The following FAM184B variants were observed in gnomAD, a reference collection of about 807,000 sequenced individuals.
The protein encoded by FAM184B is protein FAM184B.
Under a neutral mutation model 135.9 loss-of-function variants are expected in FAM184B, and 111 were observed. That is an observed-to-expected ratio of 0.82 (90% CI 0.70 to 0.96). The LOEUF (loss-of-function observed/expected upper bound fraction) is 0.96. Among genes scored for constraint, FAM184B ranks in the 40% least tolerant of loss-of-function variants. The pLI is 0.00. For synonymous variants in FAM184B, 552 were observed against 524.8 expected (o/e 1.05, Z -0.71); for missense variants, 1,375 against 1,323.9 (o/e 1.04, Z -0.60).
chr4:17,632,666 T>A, intron 17 of FAM184B, 41 bp from the exon 18 acceptor site: 1 of 1,370,506 alleles, frequency 7.3e-7, no homozygotes, highest in Non-Finnish European at 1.0e-6. Context: ...TTTTGAAAAC[T>A]ATGCAAGAAG....
intron 7 of FAM184B, among the ~76,000 whole-genome samples, chr4:17,677,322 A>G (rs771258335): frequency 8.5e-5 from 13 of 152,228 alleles, no homozygotes; most frequent in Non-Finnish European, 1.8e-4. Flanking sequence ...TGTTAGGATT[A>G]CAGGCGTAAG....
Position 17,651,919 on chromosome 4 carries a change from G to C in FAM184B, c.2191+911C>G, listed in dbSNP as rs1028012735. On this transcript the variant is annotated intron_variant, in intron 11 of 17. Coordinates refer to ENST00000265018, the MANE Select transcript of FAM184B (RefSeq NM_015688.2). ...GAGTTTTGTGCTGGGGATGATGTGG[G>C]GGCAGGCAGAGGAAGCAGAGCCTGG... 2.0e-5 allele frequency among the ~76,000 whole-genome samples: 3 copies of C among 152,060 alleles called. No homozygotes were observed. The East Asian group carries it at 5.8e-4, about 29-fold the overall frequency.
At chr4:17,772,206 C>A (rs1718833783) in intron 1 of FAM184B, among the ~76,000 whole-genome samples, 1 of 152,164 alleles carries the variant, frequency 6.6e-6, no homozygotes, top group African/African-American at 2.4e-5. Flanking sequence ...AAATTCATTT[C>A]ACGTATAACT....
intron 7 of FAM184B, among the ~76,000 whole-genome samples, chr4:17,680,595 C>T (rs10009541): frequency 0.38 from 58,099 of 151,976 alleles, 11,795 homozygotes; most frequent in African/African-American, 0.47. Flanking sequence ...GTTGTTCAAC[C>T]CAATTCCTAC....
intron 15 of FAM184B, among the ~76,000 whole-genome samples, chr4:17,635,481 C>G (rs1715097442): frequency 6.6e-6 from 1 of 152,030 alleles, no homozygotes; most frequent in African/African-American, 2.4e-5. Flanking sequence ...TTTGTGTTGC[C>G]TAACATATAC....
intron 7 of FAM184B, among the ~76,000 whole-genome samples, chr4:17,670,266 GA>G (rs1716140792): frequency 6.6e-6 from 1 of 152,048 alleles, no homozygotes; most frequent in African/African-American, 2.4e-5. Context: ...GTAAGTAGAA[GA>G]AAAGAGAAAT....
intron 6 of FAM184B, among the ~76,000 whole-genome samples, chr4:17,690,597 C>G (rs185800666): frequency 1.3e-5 from 2 of 152,086 alleles, no homozygotes; most frequent in Non-Finnish European, 2.9e-5. Context: ...GCAAGGCTAT[C>G]GGAAAGTCCT....
At chr4:17,653,925 G>GGGGAGAGAGAGAGAGA (rs1715710304) in intron 10 of FAM184B, among the ~76,000 whole-genome samples, 1 of 131,274 alleles carries the variant, frequency 7.6e-6, no homozygotes. Flanking sequence ...AGAGAGGGAG[G>GGGGAGAGAGAGAGAGA]GGGAGGGGGA....
chr4:17,639,261 G>C lies in FAM184B; in HGVS notation c.2655C>G (p.Ala885=). 1.3e-6 allele frequency: 2 copies of C among 1,551,674 alleles called. No homozygotes were observed. Among genetic ancestry groups the C allele is most frequent in the Non-Finnish European group, 1.7e-6 (2 of 1,146,994 alleles). Residue 885 remains alanine (A), a synonymous_variant, in exon 14 of 18, where the codon GCC becomes GCG. Transcript: ENST00000265018. ...AQAQLQARLA[A]LEAELKDSGE... is the part of the protein sequence containing the mutation. The stretch of plus-strand genomic sequence containing the variant: ...GAGGCCTCACTTACTCGGCTTCCAG[G>C]GCAGCCAGCCGGGCCTGGAGCTGGG...
Position 17,693,462 on chromosome 4 carries a change from CTT to C in FAM184B, c.1378-52_1378-51del, listed in dbSNP as rs539644982. 4,680 of 1,425,492 alleles carry C rather than the reference CTT, an allele frequency of 3.3e-3. 16 individuals carry two copies. Among genetic ancestry groups the C allele is most frequent in the Admixed American group, 4.3e-3 (218 of 50,744 alleles). The allele number at this position is 1,425,492 out of a possible 1,614,324, so 88.3% of individuals were successfully genotyped here. ...CCATACAAGGCACGAAAACAGGACA[CTT>C]AATGTTTTCACACCCTGCCTTATTC... On this transcript the variant is annotated intron_variant, in intron 5 of 17. Transcript: ENST00000265018.
chr4:17,681,162 A>C (rs544759664), intron 7 of FAM184B, among the ~76,000 whole-genome samples: 3 of 152,338 alleles, frequency 2.0e-5, no homozygotes, highest in Admixed American at 1.3e-4. Context: ...GAAGTAGTGC[A>C]GCATTGCAGC....
chr4:17,730,983 A>T (rs1319201587), intron 1 of FAM184B, among the ~76,000 whole-genome samples: 1 of 152,240 alleles, frequency 6.6e-6, no homozygotes, highest in Non-Finnish European at 1.5e-5. Context: ...AAGAAAGGGT[A>T]TCAGTAATGG....
At chr4:17,694,481 C>G (rs1373450820) in intron 5 of FAM184B, among the ~76,000 whole-genome samples, 1 of 151,350 alleles carries the variant, frequency 6.6e-6, no homozygotes, top group Non-Finnish European at 1.5e-5. Context: ...CGAGATGGTG[C>G]CACTGCACTC....
chr4:17,641,557 C>T (rs1036283207), intron 13 of FAM184B, among the ~76,000 whole-genome samples: 3 of 132,024 alleles, frequency 2.3e-5, no homozygotes, highest in African/African-American at 8.6e-5. Flanking sequence ...TGGCTCACTG[C>T]AACCTGGTCC....
intron 13 of FAM184B, among the ~76,000 whole-genome samples, chr4:17,640,018 CG>C (rs1419768339): frequency 6.6e-6 from 1 of 151,142 alleles, no homozygotes; most frequent in Non-Finnish European, 1.5e-5. Flanking sequence ...TTAGTAAAGA[CG>C]GGGGGTTTCA....
At chr4:17,636,795 G>T in intron 14 of FAM184B, 150 bp from the exon 15 acceptor site, 1 of 649,404 alleles carries the variant, frequency 1.5e-6, no homozygotes, top group Non-Finnish European at 2.6e-6. Flanking sequence ...GGCCCCCTGG[G>T]GAGATGGCTT....
chr4:17,751,866 C>CAA (rs1553842781), intron 1 of FAM184B, among the ~76,000 whole-genome samples: 3 of 143,208 alleles, frequency 2.1e-5, no homozygotes, highest in East Asian at 2.0e-4. Context: ...CACACACACA[C>CAA]AAAAGAACCA....
intron 7 of FAM184B, among the ~76,000 whole-genome samples, chr4:17,666,437 G>A (rs1464354489): frequency 7.4e-6 from 1 of 135,394 alleles, no homozygotes; most frequent in Non-Finnish European, 1.6e-5. Flanking sequence ...CCAAGTAGTT[G>A]AGACTGCAGG....
chr4:17,763,514 C>T (rs147660164), intron 1 of FAM184B, among the ~76,000 whole-genome samples: 2 of 152,150 alleles, frequency 1.3e-5, no homozygotes, highest in African/African-American at 2.4e-5. Context: ...GACAAATAGG[C>T]CCCGCTCCAG....
Sources: gnomAD v4.1 joint callset for allele counts (sites outside exome capture counted in the v4.1 genomes callset) on GRCh38, gnomAD v4.1.1 for gene constraint, MANE v1.5 for transcripts, NCBI Gene and HGNC (gene_info 2026-07-23, HGNC 2026-07-21) for gene names.